ZNF710: variants seen among roughly 807,000 people sequenced by gnomAD.
The protein encoded by ZNF710 is zinc finger protein 710.
In ZNF710, 13 loss-of-function variants were observed where a neutral mutation model predicts 50.6. That is an observed-to-expected ratio of 0.26 (90% CI 0.17 to 0.41). The LOEUF (loss-of-function observed/expected upper bound fraction) is 0.41, where lower values mean the gene tolerates loss of function less well. ZNF710 is among the 10% of genes least tolerant of loss of function. ZNF710 has a pLI of 1.00. For missense variants in ZNF710, 721 were observed against 936.6 expected, an observed-to-expected ratio of 0.77 and a Z score of 3.01; for synonymous variants, 383 against 397.0, an observed-to-expected ratio of 0.96 and a Z score of 0.42.
chr15:90,012,656 C>G (rs188408396), intron 1 of ZNF710, among the ~76,000 whole-genome samples: 7 of 151,932 alleles, frequency 4.6e-5, no homozygotes, highest in Middle Eastern at 3.4e-3. Flanking sequence ...GGGGTAATTT[C>G]TTGTTTTCTA....
intron 1 of ZNF710, among the ~76,000 whole-genome samples, chr15:90,002,118 C>CA: frequency 6.6e-6 from 1 of 151,454 alleles, no homozygotes; most frequent in Non-Finnish European, 1.5e-5. Flanking sequence ...GCGCTCCCCC[C>CA]ACACCCGGCC....
intron 1 of ZNF710, among the ~76,000 whole-genome samples, chr15:90,024,179 G>A (rs1898704157): frequency 6.6e-6 from 1 of 152,152 alleles, no homozygotes; most frequent in Non-Finnish European, 1.5e-5. Flanking sequence ...CAGAAAACAA[G>A]ATGCTCCACT....
intron 4 of ZNF710, among the ~76,000 whole-genome samples, chr15:90,078,087 T>C (rs1431563454): frequency 6.6e-6 from 1 of 151,634 alleles, no homozygotes; most frequent in African/African-American, 2.4e-5. Flanking sequence ...GGCGCATGCC[T>C]GTAATCTCAG....
upstream of ZNF710, among the ~76,000 whole-genome samples, chr15:90,001,129 C>T (rs1258108622): frequency 6.6e-6 from 1 of 151,916 alleles, no homozygotes; most frequent in Non-Finnish European, 1.5e-5. Context: ...AAGAAAAAAA[C>T]AGGAGAAAGA....
At chr15:90,011,071 C>T (rs1898289366) in intron 1 of ZNF710, among the ~76,000 whole-genome samples, 1 of 151,896 alleles carries the variant, frequency 6.6e-6, no homozygotes, top group Non-Finnish European at 1.5e-5. Flanking sequence ...GCTGGGATTA[C>T]AGGCATGTGC....
At chr15:90,049,436 A>C (rs554655735) in intron 1 of ZNF710, among the ~76,000 whole-genome samples, 14 of 152,302 alleles carry the variant, frequency 9.2e-5, no homozygotes, top group African/African-American at 3.4e-4. Context: ...CACTAGTCAC[A>C]GCCAGCCATT....
chr15:90,058,078 G>C (rs1899880573), intron 1 of ZNF710, among the ~76,000 whole-genome samples: 1 of 152,150 alleles, frequency 6.6e-6, no homozygotes, highest in South Asian at 2.1e-4. Flanking sequence ...TGGCTCCCAG[G>C]TCAGGTGTAG....
In ZNF710 at chr15:90,026,263, C is replaced by CAAAAAAAAAAA. The variant is rs140942275; in HGVS notation, c.-29+24651_-29+24652insAAAAAAAAAAA. Reference sequence around the variant, plus strand: ...GAGAAAAAAAACAAAACAACAACAACAACAACAAAAAAAAAAAAGGGAATG... The same window carrying CAAAAAAAAAAA: ...GAGAAAAAAAACAAAACAACAACAACAAAAAAAAAAAAACAACAAAAAAAAAAAAGGGAATG... On this transcript the variant is annotated intron_variant, in intron 1 of 4. Coordinates refer to ENST00000268154, the MANE Select transcript of ZNF710 (RefSeq NM_198526.4). 7.0e-5 allele frequency among the ~76,000 whole-genome samples: 7 copies of CAAAAAAAAAAA among 100,466 alleles called. 1 individual carries two copies. The highest frequency in any genetic ancestry group is 1.4e-4 in the Non-Finnish European group (7 of 51,118). The allele number at this position is 100,466 out of a possible 152,430, so 65.9% of individuals were successfully genotyped here. A position where few individuals can be genotyped will look rare whatever the true frequency, so the allele number is the denominator to read the frequency against.
At chr15:90,061,809 C>T (rs1900015991) in intron 1 of ZNF710, among the ~76,000 whole-genome samples, 1 of 152,180 alleles carries the variant, frequency 6.6e-6, no homozygotes, top group African/African-American at 2.4e-5. Flanking sequence ...TCCAAGTAGG[C>T]TCTTGTGCCC....
In ZNF710 at chr15:90,049,008, C is replaced by T. The variant is rs576987942; in HGVS notation, c.-28-18102C>T. On this transcript the variant is annotated intron_variant, in intron 1 of 4. Coordinates refer to ENST00000268154, the MANE Select transcript of ZNF710 (RefSeq NM_198526.4). The stretch of plus-strand genomic sequence containing the variant: ...TCATTACTTTTTCCAAGTGTTCGTC[C>T]TCTCCCCACTCCTTCATGGGATTTA... Among the ~76,000 whole-genome samples the T allele has an allele frequency of 5.9e-5, 9 of 152,322 alleles. No homozygotes were observed. In the South Asian group the frequency reaches 1.9e-3, roughly 32 times the overall value.
chr15:90,067,078 A>C lies in ZNF710; in HGVS notation c.-28-32A>C. ...TTGTCTGTCTGTGCAGGAGTGAGCC[A>C]GCAATATTAACCTTCCCTTCTCCAC... On this transcript the variant is annotated intron_variant, in intron 1 of 4. Coordinates refer to ENST00000268154, the MANE Select transcript of ZNF710 (RefSeq NM_198526.4). This position sits in a 1 kb window ranked among gnomAD's most constrained non-coding sequence, Gnocchi z 8.1. 1 of 1,531,704 alleles carries C rather than the reference A, an allele frequency of 6.5e-7. No homozygotes were observed. The highest frequency in any genetic ancestry group is 8.8e-7 in the Non-Finnish European group (1 of 1,139,566). 94.9% of individuals were successfully genotyped at this position (1,531,704 alleles called of 1,614,324 possible).
At chr15:90,069,994 C>T (rs573915493) in intron 2 of ZNF710, among the ~76,000 whole-genome samples, 1 of 152,306 alleles carries the variant, frequency 6.6e-6, no homozygotes, top group South Asian at 2.1e-4. Context: ...CCCTTCAAAG[C>T]TGAATGTACA....
chr15:90,079,963 A>T lies in ZNF710; in HGVS notation c.*134A>T. On this transcript the variant is annotated 3_prime_UTR_variant, in exon 5 of 5. Transcript: ENST00000268154. ...GTTCTGAGCCCTCCCTCCCCGAGTC[A>T]TTTGCACCACTAGGGACCTTTAGAC... 1.2e-6 allele frequency: 1 copy of T among 853,212 alleles called. No homozygotes were observed. Among genetic ancestry groups the T allele is most frequent in the Non-Finnish European group, 1.7e-6 (1 of 588,688 alleles). 52.9% of individuals were successfully genotyped at this position (853,212 alleles called of 1,614,324 possible). A position where few individuals can be genotyped will look rare whatever the true frequency, so the allele number is the denominator to read the frequency against.
rs1457571693 is a variant in ZNF710 at position 90,074,176 on chromosome 15, G to A, written c.1711G>A (p.Gly571Ser). The change falls in exon 4 of 5, where the codon GGC (glycine) becomes AGC (serine). Residue 571 changes from glycine to serine, a missense_variant. Physicochemically the swap from Gly to Ser is moderately conservative, Grantham distance 56. Coordinates refer to ENST00000268154, the MANE Select transcript of ZNF710 (RefSeq NM_198526.4). The part of the protein sequence containing the change: ...NLLGHMHLHA[G>S]SKPFKCPYCS... ...GCTGGGCCACATGCACCTGCACGCC[G>A]GCAGCAAGCCCTTCAAGTGCCCCTA... The A allele has an allele frequency of 6.8e-6, 11 of 1,613,090 alleles. No individual in the cohort carries two copies. The highest frequency in any genetic ancestry group is 1.7e-5 in the Admixed American group (1 of 59,646).
intron 1 of ZNF710, among the ~76,000 whole-genome samples, chr15:90,017,788 C>T (rs1266637903): frequency 6.6e-6 from 1 of 151,974 alleles, no homozygotes; most frequent in Admixed American, 6.6e-5. Flanking sequence ...ACCCAGGAAA[C>T]GGTTCCCAAA....
At chr15:90,048,434 GGGA>G (rs1899534811) in intron 1 of ZNF710, among the ~76,000 whole-genome samples, 1 of 152,256 alleles carries the variant, frequency 6.6e-6, no homozygotes, top group South Asian at 2.1e-4. Flanking sequence ...CATCAGCACA[GGGA>G]GGAGGGTGAC....
At chr15:90,053,034 G>C (rs1899695208) in intron 1 of ZNF710, among the ~76,000 whole-genome samples, 1 of 152,246 alleles carries the variant, frequency 6.6e-6, no homozygotes, top group African/African-American at 2.4e-5. Flanking sequence ...GTAAATGATG[G>C]CTGAAAAGAA....
chr15:90,013,050 G>C (rs1336859711), intron 1 of ZNF710, among the ~76,000 whole-genome samples: 1 of 152,084 alleles, frequency 6.6e-6, no homozygotes, highest in Non-Finnish European at 1.5e-5. Flanking sequence ...CCACTCATGA[G>C]GGTGTGTTCC....
At position 90,034,602 on chromosome 15, in the gene ZNF710, C is replaced by T. The variant is rs1024202820; in HGVS notation, c.-28-32508C>T. On this transcript the variant is annotated intron_variant, in intron 1 of 4. Coordinates refer to ENST00000268154, the MANE Select transcript of ZNF710 (RefSeq NM_198526.4). The surrounding 1 kb of genome is among the most constrained non-coding windows in gnomAD (Gnocchi z 4.0). ...CTCCCTAGCAGCAGGGGAAGCCTGG[C>T]AGCTTGGCTGAGCCTCCTCCGGCCT... Among the ~76,000 whole-genome samples, 6 of 152,090 alleles carry T rather than the reference C, an allele frequency of 3.9e-5. No individual in the cohort carries two copies. The highest frequency in any genetic ancestry group is 9.7e-5 in the African/African-American group (4 of 41,416).
Sources: gnomAD v4.1 joint callset for allele counts (sites outside exome capture counted in the v4.1 genomes callset) on GRCh38, gnomAD v4.1.1 for gene constraint, Gnocchi (gnomAD v3.1) non-coding constraint, MANE v1.5 for transcripts, NCBI Gene and HGNC (gene_info 2026-07-23, HGNC 2026-07-21) for gene names.